The following TRPC6 variants were observed in gnomAD, a reference collection of about 807,000 sequenced individuals.
The protein encoded by TRPC6 is short transient receptor potential channel 6.
TRPC6 carries 55 observed loss-of-function variants against 90.7 expected under a neutral mutation model. The ratio of observed to expected loss-of-function variants is 0.61; its 90% CI spans 0.49 to 0.76. The LOEUF is 0.76. Among genes scored for constraint, TRPC6 ranks in the 30% least tolerant of loss-of-function variants. The pLI is 0.00. For synonymous variants in TRPC6, 393 were observed against 393.0 expected (o/e 1.00, Z 0.00); for missense variants, 989 against 1,122.7 (o/e 0.88, Z 1.70).
chr11:101,537,272 G>A (rs1342043746), intron 1 of TRPC6, among the ~76,000 whole-genome samples: 1 of 152,008 alleles, frequency 6.6e-6, no homozygotes, highest in Non-Finnish European at 1.5e-5. Flanking sequence ...GGACACAAGG[G>A]ATGATAGAAT....
At chr11:101,485,153 A>ACACACACACACC (rs1859646504) in intron 4 of TRPC6, among the ~76,000 whole-genome samples, 1 of 151,970 alleles carries the variant, frequency 6.6e-6, no homozygotes, top group Non-Finnish European at 1.5e-5. Context: ...ACACACACAC[A>ACACACACACACC]CACAGAGTTT....
intron 1 of TRPC6, among the ~76,000 whole-genome samples, chr11:101,553,456 A>G (rs1288754182): frequency 1.3e-5 from 2 of 152,086 alleles, no homozygotes; most frequent in Non-Finnish European, 2.9e-5. Flanking sequence ...CTAAATGCAA[A>G]TATCTCCCGG....
chr11:101,452,123 G>GTGTT lies in TRPC6; in HGVS notation c.*828_*831dup, dbSNP rs1379834176. ...GCTATAATGGAACCAAACAACCACA[G>GTGTT]TGTTTGTTTGGGGTTTTGATTTTTC... On this transcript the variant is annotated 3_prime_UTR_variant, in exon 13 of 13. Transcript: ENST00000344327. The GTGTT allele has an allele frequency of 2.0e-5, 3 of 152,112 alleles. No individual in the cohort carries two copies. Among genetic ancestry groups the GTGTT allele is most frequent in the Non-Finnish European group, 2.9e-5 (2 of 68,022 alleles). 9.4% of individuals were successfully genotyped at this position (152,112 alleles called of 1,614,324 possible).
chr11:101,547,235 CATT>C (rs968603123), intron 1 of TRPC6, among the ~76,000 whole-genome samples: 2 of 151,104 alleles, frequency 1.3e-5, no homozygotes, highest in African/African-American at 2.4e-5. Flanking sequence ...ACAAAAATGT[CATT>C]ATTATTACAA....
intron 10 of TRPC6, among the ~76,000 whole-genome samples, chr11:101,459,320 C>T (rs770565403): frequency 1.4e-4 from 21 of 152,132 alleles, no homozygotes; most frequent in Non-Finnish European, 2.2e-4. Flanking sequence ...AGAGGTAAGA[C>T]GATTGTCTGG....
chr11:101,453,974 T>C (rs1858825615), intron 11 of TRPC6, among the ~76,000 whole-genome samples: 1 of 152,200 alleles, frequency 6.6e-6, no homozygotes. Context: ...AGAGCAAGTA[T>C]GAAATCCTTT....
At chr11:101,522,933 T>G (rs572370375) in intron 1 of TRPC6, among the ~76,000 whole-genome samples, 1 of 152,318 alleles carries the variant, frequency 6.6e-6, no homozygotes, top group African/African-American at 2.4e-5. Context: ...AAAACACAAA[T>G]AGCCAATACC....
At chr11:101,532,860 G>C (rs776956300) in intron 1 of TRPC6, among the ~76,000 whole-genome samples, 1 of 152,132 alleles carries the variant, frequency 6.6e-6, no homozygotes. Flanking sequence ...CAAGAACAAA[G>C]GTTCTTGAGA....
At position 101,583,904 on chromosome 11, in the gene TRPC6, C is replaced by G. The variant is rs199629792; in HGVS notation, c.-401G>C. Reference sequence around the variant, plus strand: ...TCCAGCCCTCAGCTCCCGCCTTCATCCCCCGCACTCTCCGTCAAGATCCCC... The same window carrying G: ...TCCAGCCCTCAGCTCCCGCCTTCATGCCCCGCACTCTCCGTCAAGATCCCC... On this transcript the variant is annotated 5_prime_UTR_variant, in exon 1 of 13. Transcript: ENST00000344327. 5.7e-6 allele frequency: 1 copy of G among 174,058 alleles called. No homozygotes were observed. The highest frequency in any genetic ancestry group is 1.2e-5 in the Non-Finnish European group (1 of 83,110). 10.8% of individuals were successfully genotyped at this position (174,058 alleles called of 1,614,324 possible). A position where few individuals can be genotyped will look rare whatever the true frequency, so the allele number is the denominator to read the frequency against.
intron 1 of TRPC6, among the ~76,000 whole-genome samples, chr11:101,516,045 G>A (rs190518598): frequency 1.6e-4 from 24 of 150,128 alleles, no homozygotes; most frequent in African/African-American, 5.9e-4. Flanking sequence ...AACAGGCATG[G>A]CATATATAAG....
intron 1 of TRPC6, among the ~76,000 whole-genome samples, chr11:101,556,180 G>C (rs1861556811): frequency 6.6e-6 from 1 of 151,880 alleles, no homozygotes; most frequent in Admixed American, 6.6e-5. Flanking sequence ...AATAAACTAA[G>C]CCCATAGTTA....
intron 1 of TRPC6, among the ~76,000 whole-genome samples, chr11:101,526,900 T>TAAAAAAAAAA (rs1860794749): frequency 2.1e-4 from 18 of 86,130 alleles, no homozygotes; most frequent in African/African-American, 6.1e-4. Flanking sequence ...AAAAAAAAAT[T>TAAAAAAAAAA]AAATAGTCTT....
At chr11:101,478,539 CA>C (rs1859467966) in intron 5 of TRPC6, among the ~76,000 whole-genome samples, 1 of 152,078 alleles carries the variant, frequency 6.6e-6, no homozygotes, top group South Asian at 2.1e-4. Flanking sequence ...ATTCTTGGCA[CA>C]AATGATGTCT....
intron 2 of TRPC6, among the ~76,000 whole-genome samples, chr11:101,499,377 CT>C (rs1860032771): frequency 6.6e-6 from 1 of 151,630 alleles, no homozygotes; most frequent in Non-Finnish European, 1.5e-5. Context: ...TATGTGATTT[CT>C]TTCTGATTTA....
At chr11:101,499,410 G>C (rs931884361) in intron 2 of TRPC6, among the ~76,000 whole-genome samples, 1 of 151,556 alleles carries the variant, frequency 6.6e-6, no homozygotes, top group African/African-American at 2.4e-5. Context: ...TAGTAAGATA[G>C]TTATCAAATC....
intron 1 of TRPC6, among the ~76,000 whole-genome samples, chr11:101,547,303 A>G (rs1312993293): frequency 6.6e-6 from 1 of 152,206 alleles, no homozygotes; most frequent in African/African-American, 2.4e-5. Flanking sequence ...AACACATGAC[A>G]TCTAAGTCTA....
chr11:101,497,886 G>C (rs1327131334), intron 2 of TRPC6, among the ~76,000 whole-genome samples: 2 of 151,932 alleles, frequency 1.3e-5, no homozygotes, highest in Non-Finnish European at 2.9e-5. Flanking sequence ...CCCGGTGTGT[G>C]ATGTTCCCAA....
intron 1 of TRPC6, among the ~76,000 whole-genome samples, chr11:101,534,012 G>A (rs1860975081): frequency 6.6e-6 from 1 of 152,104 alleles, no homozygotes; most frequent in South Asian, 2.1e-4. Context: ...ATTCCATCTA[G>A]CTCAGGAGGC....
At position 101,529,205 on chromosome 11, in the gene TRPC6, G is replaced by T. The variant is rs573736282; in HGVS notation, c.171-24407C>A. Among the ~76,000 whole-genome samples the T allele has an allele frequency of 1.3e-5, 2 of 152,318 alleles. 1 individual carries two copies. The highest frequency in any genetic ancestry group is 4.1e-4 in the South Asian group (2 of 4,822). On this transcript the variant is annotated intron_variant, in intron 1 of 12. Transcript: ENST00000344327. ...AAAGCCTAGAAAGATCAGAAAGGAT[G>T]AAGGGAGTTCACTGCCCAATATCTG...
Sources: allele counts gnomAD v4.1 joint callset (sites outside exome capture counted in the v4.1 genomes callset), GRCh38; gene constraint gnomAD v4.1.1; transcripts MANE v1.5; gene names NCBI Gene and HGNC (gene_info 2026-07-23, HGNC 2026-07-21).